The following MTOR variants were observed in gnomAD, a reference collection of about 807,000 sequenced individuals.
MTOR encodes serine/threonine-protein kinase mTOR.
A neutral mutation model predicts 319.8 loss-of-function variants in MTOR; 70 were observed. That is an observed-to-expected ratio of 0.22 (90% CI 0.18 to 0.27). The LOEUF is 0.27. Ranked by LOEUF, MTOR falls within the 10% of genes least tolerant of loss-of-function variation. The probability of loss-of-function intolerance (pLI) is 1.00; values close to 1 mark genes in which losing one functional copy is unlikely to be tolerated. For missense variants in MTOR, 1,890 were observed against 3,274.4 expected (o/e 0.58, Z 10.32); for synonymous variants, 1,183 against 1,211.4 (o/e 0.98, Z 0.49).
chr1:11,262,321 G>T (rs988018250), intron 1 of MTOR, 124 bp downstream of exon 1: 8 of 152,438 alleles, frequency 5.2e-5, no homozygotes, highest in Non-Finnish European at 8.8e-5. Flanking sequence ...CAGGTCGTGG[G>T]GCCGGCAATG....
chr1:11,166,546 A>G (rs1209054261), intron 29 of MTOR, among the ~76,000 whole-genome samples: 1 of 152,222 alleles, frequency 6.6e-6, no homozygotes, highest in East Asian at 1.9e-4. Flanking sequence ...ACAATGAGAT[A>G]CCATCTCACA....
In MTOR at chr1:11,243,209, T is replaced by G; in HGVS notation, c.1317A>C (p.Leu439=). The G allele has an allele frequency of 6.2e-7, 1 of 1,614,158 alleles. No homozygotes were observed. Among genetic ancestry groups the G allele is most frequent in the Non-Finnish European group, 8.5e-7 (1 of 1,180,018 alleles). ...ACTCAGACCTCACAGCCACAGAAAG[T>G]AGCCCCAGGGCTTGGAAGGCCGCTG... ...ERTAAFQALG[L]LSVAVRSEFK... The change falls in exon 9 of 58, where the codon CTA becomes CTC. Residue 439 remains leucine (L), a synonymous_variant. Transcript: ENST00000361445.
At chr1:11,220,632 C>T (rs577775911) in intron 19 of MTOR, among the ~76,000 whole-genome samples, 2 of 152,242 alleles carry the variant, frequency 1.3e-5, no homozygotes, top group African/African-American at 4.8e-5. Flanking sequence ...AGGAAGGGGG[C>T]CTAGGAACGC....
chr1:11,147,501 T>G (rs1298991913), intron 31 of MTOR, among the ~76,000 whole-genome samples: 1 of 152,178 alleles, frequency 6.6e-6, no homozygotes, highest in African/African-American at 2.4e-5. Context: ...TCAGCTTCAT[T>G]AGCTGCAAAC....
chr1:11,148,912 A>ATG lies in MTOR; in HGVS notation c.4570+1212_4570+1213dup, dbSNP rs111307099. On this transcript the variant is annotated intron_variant, in intron 31 of 57. Coordinates refer to ENST00000361445, the MANE Select transcript of MTOR (RefSeq NM_004958.4). ...GACTCCATGTCAAAAAAAAAAAATT[A>ATG]TGTGTGTGTGTGTGTGTATATATAT... Among the ~76,000 whole-genome samples the ATG allele has an allele frequency of 9.1e-3, 1,033 of 113,382 alleles. 14 individuals carry two copies. The highest frequency in any genetic ancestry group is 0.024 in the African/African-American group (931 of 39,304). The allele number at this position is 113,382 out of a possible 152,430, so 74.4% of individuals were successfully genotyped here. A position where few individuals can be genotyped will look rare whatever the true frequency, so the allele number is the denominator to read the frequency against.
At chr1:11,140,217 A>T (rs1643625632) in intron 34 of MTOR, among the ~76,000 whole-genome samples, 1 of 150,408 alleles carries the variant, frequency 6.6e-6, no homozygotes, top group African/African-American at 2.4e-5. Context: ...TTCTCAGGTT[A>T]AGGGTACTGT....
intron 24 of MTOR, 72 bp downstream of exon 24, chr1:11,210,742 T>C (rs1056032079): frequency 1.5e-5 from 18 of 1,210,482 alleles, no homozygotes; most frequent in African/African-American, 9.2e-5. Context: ...CAAACTCCCA[T>C]AGCCAAGATT....
intron 26 of MTOR, among the ~76,000 whole-genome samples, chr1:11,201,210 G>C (rs1645958486): frequency 6.6e-6 from 1 of 152,008 alleles, no homozygotes; most frequent in Non-Finnish European, 1.5e-5. Context: ...GGCCACATTG[G>C]ATCTTGAATG....
intron 10 of MTOR, among the ~76,000 whole-genome samples, chr1:11,241,300 G>A (rs1419440609): frequency 3.6e-5 from 5 of 137,888 alleles, no homozygotes; most frequent in South Asian, 2.3e-4. Context: ...CAGCCTGGGC[G>A]ACAGAGCGAG....
rs757173592 is a variant in MTOR at position 11,130,713 on chromosome 1, G to T, written c.5429C>A (p.Ala1810Asp). 6.3e-7 allele frequency: 1 copy of T among 1,599,988 alleles called. No individual in the cohort carries two copies. The highest frequency in any genetic ancestry group is 8.5e-7 in the Non-Finnish European group (1 of 1,173,352). Reference sequence around the variant, plus strand: ...ACGCAGTTTCTTCTTCTCATCGCGGGCTTGGTTCTGATGTTTGTAGTGTAG... The same window carrying T: ...ACGCAGTTTCTTCTTCTCATCGCGGTCTTGGTTCTGATGTTTGTAGTGTAG... ...AVLHYKHQNQ[A>D]RDEKKKLRHA... The change falls in exon 39 of 58, where the codon GCC becomes GAC. Residue 1810 changes from alanine (A) to aspartate (D), a missense_variant. Physicochemically the swap from Ala to Asp is moderately radical, Grantham distance 126. Coordinates refer to ENST00000361445, the MANE Select transcript of MTOR (RefSeq NM_004958.4).
chr1:11,170,644 G>A (rs1200062525), intron 28 of MTOR, among the ~76,000 whole-genome samples: 2 of 151,256 alleles, frequency 1.3e-5, no homozygotes, highest in Non-Finnish European at 2.9e-5. Context: ...TGGATTCTTG[G>A]GATGAAGGCC....
In MTOR at chr1:11,256,119, T is replaced by C; in HGVS notation, c.578A>G (p.Asn193Ser). The C allele has an allele frequency of 6.2e-7, 1 of 1,614,096 alleles. No homozygotes were observed. The highest frequency in any genetic ancestry group is 1.3e-5 in the African/African-American group (1 of 75,012). ...GGGGTCCCACACGGCCACAAAAATG[T>C]TGTCAAAGAAGGGTTGCACTTGCTG... is the stretch of plus-strand genomic sequence containing the variant. ...FFQQVQPFFDNIFVAVWDPKQ... is the reference protein window; with the variant it reads ...FFQQVQPFFDSIFVAVWDPKQ... Residue 193 changes from asparagine to serine, a missense_variant, in exon 5 of 58, where the codon AAC becomes AGC. Asn to Ser is a conservative substitution (Grantham distance 46). This residue lies in a region of MTOR where 81 missense variants were observed against 203.6 expected (regional missense o/e 0.40). Transcript: ENST00000361445.
Position 11,115,229 on chromosome 1 carries a change from C to T in MTOR, c.7089+167G>A, listed in dbSNP as rs559054346. 6.6e-6 allele frequency among the ~76,000 whole-genome samples: 1 copy of T among 152,260 alleles called. No individual in the cohort carries two copies. The highest frequency in any genetic ancestry group is 2.4e-5 in the African/African-American group (1 of 41,552). On this transcript the variant is annotated intron_variant, in intron 51 of 57. Coordinates refer to ENST00000361445, the MANE Select transcript of MTOR (RefSeq NM_004958.4). The surrounding 1 kb of genome is among the most constrained non-coding windows in gnomAD (Gnocchi z 4.5). ...TTGCTCCAAGGGGGTTAGAGTCCAA[C>T]TAAGAGCCCAGATTTCATTTCTTAG...
rs2100403019 is a variant in MTOR, at chr1:11,127,167, T to A, written c.6217-23A>T. ...GGCCTGAGAGAGAAAGCAGGCACGT[T>A]TTCAAGTTATCAAAGTCTCAACCAA... On this transcript the variant is annotated intron_variant, in intron 44 of 57. Coordinates refer to ENST00000361445, the MANE Select transcript of MTOR (RefSeq NM_004958.4). The surrounding 1 kb of genome is among the most constrained non-coding windows in gnomAD (Gnocchi z 5.5). The A allele has an allele frequency of 6.2e-7, 1 of 1,612,840 alleles. No individual in the cohort carries two copies. The highest frequency in any genetic ancestry group is 8.5e-7 in the Non-Finnish European group (1 of 1,179,730).
At chr1:11,260,779 T>G (rs1651009194) in intron 1 of MTOR, among the ~76,000 whole-genome samples, 2 of 151,872 alleles carry the variant, frequency 1.3e-5, no homozygotes, top group South Asian at 2.1e-4. Context: ...CAATGTCAAT[T>G]TGGACTAGTC....
At position 11,240,526 on chromosome 1, in the gene MTOR, G is replaced by C; in HGVS notation, c.1563C>G (p.Leu521=). The change falls in exon 11 of 58, where the codon CTC becomes CTG. Residue 521 remains leucine, a synonymous_variant. Coordinates refer to ENST00000361445, the MANE Select transcript of MTOR (RefSeq NM_004958.4). The part of the protein sequence containing the change: ...VGLSPALTAV[L]YDLSRQIPQL... ...GTGGAATCTGACGGCTCAGGTCGTA[G>C]AGCACTGCAGTGAGGGCAGGGCTGA... is the stretch of plus-strand genomic sequence containing the variant. 1.2e-6 allele frequency: 2 copies of C among 1,614,168 alleles called. No homozygotes were observed. The highest frequency in any genetic ancestry group is 1.7e-6 in the Non-Finnish European group (2 of 1,180,012).
chr1:11,225,579 G>A (rs1646808821), intron 19 of MTOR, among the ~76,000 whole-genome samples: 1 of 151,950 alleles, frequency 6.6e-6, no homozygotes, highest in East Asian at 1.9e-4. Flanking sequence ...GTGCCACCAT[G>A]CCCGGCTAAT....
chr1:11,245,860 A>C, intron 8 of MTOR, among the ~76,000 whole-genome samples: 1 of 152,164 alleles, frequency 6.6e-6, no homozygotes, highest in Non-Finnish European at 1.5e-5. Context: ...CAGCGAGCTG[A>C]GATCGCATTA....
In MTOR at chr1:11,115,873, G is replaced by A. The variant is rs1339735223; in HGVS notation, c.7017-405C>T. Among the ~76,000 whole-genome samples the A allele has an allele frequency of 2.0e-5, 3 of 152,186 alleles. No homozygotes were observed. The highest frequency in any genetic ancestry group is 6.5e-5 in the Admixed American group (1 of 15,268). On this transcript the variant is annotated intron_variant, in intron 50 of 57. Transcript: ENST00000361445. This position sits in a 1 kb window ranked among gnomAD's most constrained non-coding sequence, Gnocchi z 4.5. ...TTTGGTGACCTAATAAGTCATTTCT[G>A]GCAGCACTGGCACCTTCTGGTGACA...
Sources: gnomAD v4.1 joint callset for allele counts (sites outside exome capture counted in the v4.1 genomes callset) on GRCh38, gnomAD v4.1.1 for gene constraint, gnomAD v4.1.1 regional missense constraint, Gnocchi (gnomAD v3.1) non-coding constraint, MANE v1.5 for transcripts, NCBI Gene and HGNC (gene_info 2026-07-23, HGNC 2026-07-21) for gene names.